The following CCDC169 variants were observed in gnomAD, a reference collection of about 807,000 sequenced individuals.
The protein encoded by CCDC169 is coiled-coil domain-containing protein 169.
CCDC169 carries 30 observed loss-of-function variants against 36.0 expected under a neutral mutation model. The ratio of observed to expected loss-of-function variants is 0.83; its 90% CI spans 0.62 to 1.13. The LOEUF (loss-of-function observed/expected upper bound fraction) is 1.13, where lower values mean the gene tolerates loss of function less well. Ranked by LOEUF, CCDC169 falls within the 50% of genes most tolerant of loss-of-function variation. The probability of loss-of-function intolerance (pLI) is 0.00; values close to 1 mark genes in which losing one functional copy is unlikely to be tolerated. For missense variants in CCDC169, 245 were observed against 245.9 expected, an observed-to-expected ratio of 1.00 and a Z score of 0.03; for synonymous variants, 85 against 81.5, an observed-to-expected ratio of 1.04 and a Z score of -0.23.
At chr13:36,267,063 G>C (rs946009673) in intron 4 of CCDC169, 8 of 152,266 alleles carry the variant, frequency 5.3e-5, no homozygotes, top group African/African-American at 1.7e-4. Flanking sequence ...TGACAGTAAT[G>C]CAAGTCTTAG....
chr13:36,291,986 C>A (rs968442860), intron 2 of CCDC169, among the ~76,000 whole-genome samples: 2 of 141,880 alleles, frequency 1.4e-5, no homozygotes, highest in African/African-American at 5.1e-5. Context: ...GTCAATAAGT[C>A]TTCTTTTTTT....
chr13:36,272,243 C>T (rs1191915357), intron 4 of CCDC169, among the ~76,000 whole-genome samples: 1 of 151,176 alleles, frequency 6.6e-6, no homozygotes, highest in Non-Finnish European at 1.5e-5. Flanking sequence ...CCATTTGTAC[C>T]CCAAAATGTA....
At chr13:36,250,152 G>C (rs555819304) in intron 6 of CCDC169, among the ~76,000 whole-genome samples, 1 of 152,258 alleles carries the variant, frequency 6.6e-6, no homozygotes, top group Non-Finnish European at 1.5e-5. Context: ...TTGAGGGTAT[G>C]GGGGACTCCA....
At chr13:36,244,433 G>A (rs1329998153) in intron 7 of CCDC169, 1 of 152,152 alleles carries the variant, frequency 6.6e-6, no homozygotes, top group Admixed American at 6.6e-5. Context: ...TCTCTGGTAG[G>A]TAAAACTTCA....
chr13:36,277,382 G>A (rs1876957764), intron 4 of CCDC169, among the ~76,000 whole-genome samples: 1 of 152,086 alleles, frequency 6.6e-6, no homozygotes, highest in African/African-American at 2.4e-5. Context: ...ATACCTAGGT[G>A]ATGGGTTGAT....
At chr13:36,291,970 T>A (rs1878948277) in intron 2 of CCDC169, among the ~76,000 whole-genome samples, 1 of 151,496 alleles carries the variant, frequency 6.6e-6, no homozygotes, top group South Asian at 2.1e-4. Flanking sequence ...TGTAAACTTG[T>A]GTGTTGTCAA....
At chr13:36,234,738 T>G (rs1417409273) in intron 7 of CCDC169, among the ~76,000 whole-genome samples, 1 of 152,042 alleles carries the variant, frequency 6.6e-6, no homozygotes, top group Non-Finnish European at 1.5e-5. Flanking sequence ...AAACTATCCT[T>G]CTAAAATAAA....
At chr13:36,258,990 C>A (rs1874273843) in intron 4 of CCDC169, among the ~76,000 whole-genome samples, 1 of 152,098 alleles carries the variant, frequency 6.6e-6, no homozygotes, top group African/African-American at 2.4e-5. Flanking sequence ...CTGAAGCTGC[C>A]GGGATGAGTG....
intron 2 of CCDC169, among the ~76,000 whole-genome samples, chr13:36,286,643 A>C (rs1301986081): frequency 6.6e-6 from 1 of 151,346 alleles, no homozygotes; most frequent in Non-Finnish European, 1.5e-5. Context: ...CTTTTTTCCA[A>C]CTTCATCATC....
chr13:36,246,026 T>C (rs1253746447), intron 7 of CCDC169, among the ~76,000 whole-genome samples: 1 of 152,208 alleles, frequency 6.6e-6, no homozygotes, highest in Admixed American at 6.5e-5. Flanking sequence ...AGCAAACTGT[T>C]TAATAAAGGT....
At chr13:36,252,343 C>G (rs1873275357) in intron 6 of CCDC169, among the ~76,000 whole-genome samples, 1 of 152,192 alleles carries the variant, frequency 6.6e-6, no homozygotes, top group South Asian at 2.1e-4. Context: ...TTACCTTAGT[C>G]AACACTACAA....
At chr13:36,251,765 T>G (rs1233121663) in intron 6 of CCDC169, among the ~76,000 whole-genome samples, 1 of 152,056 alleles carries the variant, frequency 6.6e-6, no homozygotes, top group Non-Finnish European at 1.5e-5. Flanking sequence ...CAAACAGATA[T>G]ATCAGCAATA....
intron 4 of CCDC169, 104 bp downstream of exon 4, chr13:36,283,365 T>C: frequency 1.9e-6 from 2 of 1,079,952 alleles, no homozygotes; most frequent in Non-Finnish European, 2.7e-6. Context: ...AACAGTTTAT[T>C]TGGACCTTGC....
intron 4 of CCDC169, among the ~76,000 whole-genome samples, chr13:36,256,024 C>T (rs1489484769): frequency 1.0e-5 from 1 of 96,838 alleles, no homozygotes; most frequent in Admixed American, 1.2e-4. Flanking sequence ...CTGTCTTGGC[C>T]TGCTCCAGCC....
rs1342743373 is a variant in CCDC169, at chr13:36,297,744, G to C, written c.-25C>G. The C allele has an allele frequency of 3.9e-6, 6 of 1,547,998 alleles. No homozygotes were observed. Among genetic ancestry groups the C allele is most frequent in the Non-Finnish European group, 5.2e-6 (6 of 1,145,172 alleles). ...TAGTGTCAGGCCAGAGACCTCCCGC[G>C]TCTTTCCCCTCAGCACCTTAGAGCA... On this transcript the variant is annotated 5_prime_UTR_variant, in exon 1 of 8. Coordinates refer to ENST00000239859, the MANE Select transcript of CCDC169 (RefSeq NM_001144981.3).
At chr13:36,249,152 G>T (rs1872843033) in intron 6 of CCDC169, among the ~76,000 whole-genome samples, 1 of 152,176 alleles carries the variant, frequency 6.6e-6, no homozygotes, top group Non-Finnish European at 1.5e-5. Flanking sequence ...AATGTAATCT[G>T]CAATTCAGAA....
At chr13:36,256,015 T>C (rs1211286847) in intron 4 of CCDC169, among the ~76,000 whole-genome samples, 2 of 143,752 alleles carry the variant, frequency 1.4e-5, no homozygotes, top group Non-Finnish European at 3.1e-5. Context: ...GTTTCATTCC[T>C]GTCTTGGCCT....
At chr13:36,296,547 A>T (rs1318484786) in intron 1 of CCDC169, among the ~76,000 whole-genome samples, 1 of 152,274 alleles carries the variant, frequency 6.6e-6, no homozygotes, top group Non-Finnish European at 1.5e-5. Flanking sequence ...AGAGAAAAAA[A>T]CAAACACTAA....
At chr13:36,278,666 TC>T (rs1439846279) in intron 4 of CCDC169, among the ~76,000 whole-genome samples, 3 of 152,122 alleles carry the variant, frequency 2.0e-5, no homozygotes, top group Admixed American at 6.6e-5. Flanking sequence ...TCAATAATAT[TC>T]CCTAAATTGC....
Sources: allele counts gnomAD v4.1 joint callset (sites outside exome capture counted in the v4.1 genomes callset), GRCh38; gene constraint gnomAD v4.1.1; transcripts MANE v1.5; gene names NCBI Gene and HGNC (gene_info 2026-07-23, HGNC 2026-07-21).